Variants in LUC7L2 observed in about 807,000 individuals in gnomAD.
The protein encoded by LUC7L2 is putative RNA-binding protein Luc7-like 2.
Under a neutral mutation model 52.8 loss-of-function variants are expected in LUC7L2, and 25 were observed. The ratio of observed to expected loss-of-function variants is 0.47; its 90% confidence interval spans 0.34 to 0.66. LUC7L2 has a LOEUF of 0.66. Ranked by LOEUF, LUC7L2 falls within the 30% of genes least tolerant of loss-of-function variation. The probability of loss-of-function intolerance (pLI) is 0.01; values close to 1 mark genes in which losing one functional copy is unlikely to be tolerated. For synonymous variants in LUC7L2, 144 were observed against 160.9 expected, an observed-to-expected ratio of 0.89 and a Z score of 0.80; for missense variants, 328 against 497.8, an observed-to-expected ratio of 0.66 and a Z score of 3.25.
chr7:139,407,377 T>C (rs1795173942), intron 6 of LUC7L2, 27 bp downstream of exon 6: 2 of 1,590,924 alleles, frequency 1.3e-6, no homozygotes, highest in African/African-American at 1.4e-5. Context: ...TTCCTCACTT[T>C]ATCCTCTTGT....
chr7:139,347,077 T>C (rs1295064557), intron 1 of LUC7L2, among the ~76,000 whole-genome samples: 1 of 152,220 alleles, frequency 6.6e-6, no homozygotes, highest in Non-Finnish European at 1.5e-5. Flanking sequence ...GTTCTCTTTC[T>C]GTGAATTGCC....
In LUC7L2 at chr7:139,423,420, C is replaced by T; in HGVS notation, c.*1080C>T. 1 of 398,884 alleles carries T rather than the reference C, an allele frequency of 2.5e-6. No individual in the cohort carries two copies. The allele number at this position is 398,884 out of a possible 1,614,324, so 24.7% of individuals were successfully genotyped here. A position where few individuals can be genotyped will look rare whatever the true frequency, so the allele number is the denominator to read the frequency against. Reference sequence around the variant, plus strand: ...AAACTGGGGTGTTTTTATTCTCATTCAACAAACCCAAATAAAAACAGTATA... The same window carrying T: ...AAACTGGGGTGTTTTTATTCTCATTTAACAAACCCAAATAAAAACAGTATA... On this transcript the variant is annotated 3_prime_UTR_variant, in exon 10 of 10. Transcript: ENST00000354926.
At chr7:139,407,079 A>G (rs1161550508) in intron 5 of LUC7L2, 95 bp from the exon 6 acceptor site, 3 of 1,069,564 alleles carry the variant, frequency 2.8e-6, no homozygotes, top group Non-Finnish European at 3.4e-6. Context: ...TGTATTTTTT[A>G]GAAAACACTT....
chr7:139,388,070 G>A (rs768915126), intron 2 of LUC7L2, among the ~76,000 whole-genome samples: 10 of 151,910 alleles, frequency 6.6e-5, no homozygotes, highest in Admixed American at 2.0e-4. Flanking sequence ...CTTACTATAT[G>A]TGATTGCCTT....
At chr7:139,406,778 T>G (rs1380491434) in intron 5 of LUC7L2, among the ~76,000 whole-genome samples, 1 of 152,184 alleles carries the variant, frequency 6.6e-6, no homozygotes, top group Non-Finnish European at 1.5e-5. Context: ...CTGTAGAATG[T>G]TTGCAATTCG....
intron 2 of LUC7L2, among the ~76,000 whole-genome samples, chr7:139,376,677 C>T (rs1191623503): frequency 2.6e-5 from 4 of 152,162 alleles, no homozygotes; most frequent in Non-Finnish European, 5.9e-5. Context: ...AGATGTTGAT[C>T]TTAGAGTATC....
At chr7:139,359,002 A>C (rs1799715749), upstream of LUC7L2, 1 of 152,282 alleles carries the variant, frequency 6.6e-6, no homozygotes, top group Non-Finnish European at 1.5e-5. Context: ...TTTTACTAAA[A>C]CAGTTTTTAG....
At chr7:139,412,087 A>G (rs1299516494) in intron 7 of LUC7L2, among the ~76,000 whole-genome samples, 2 of 152,096 alleles carry the variant, frequency 1.3e-5, no homozygotes, top group African/African-American at 4.8e-5. Flanking sequence ...CCAGTAAATT[A>G]TAATGCAGAC....
At chr7:139,400,687 T>G (rs1279948059) in intron 3 of LUC7L2, among the ~76,000 whole-genome samples, 3 of 152,144 alleles carry the variant, frequency 2.0e-5, no homozygotes, top group Non-Finnish European at 4.4e-5. Context: ...ATGGATCTAG[T>G]CTCCCCCCAA....
intron 3 of LUC7L2, among the ~76,000 whole-genome samples, chr7:139,399,393 C>G (rs1794796939): frequency 6.9e-6 from 1 of 144,910 alleles, no homozygotes; most frequent in South Asian, 2.2e-4. Flanking sequence ...TCCGCTGGGT[C>G]TCCTGGAACC....
At chr7:139,378,276 ATTTACT>A (rs1268672354) in intron 2 of LUC7L2, among the ~76,000 whole-genome samples, 3 of 152,102 alleles carry the variant, frequency 2.0e-5, no homozygotes, top group Admixed American at 6.5e-5. Context: ...AATTTAAAAA[ATTTACT>A]TTTAATTTTT....
At position 139,367,095 on chromosome 7, in the gene LUC7L2, C is replaced by G. The variant is rs1800197123; in HGVS notation, c.61+6773C>G. Among the ~76,000 whole-genome samples, 3 of 152,134 alleles carry G rather than the reference C, an allele frequency of 2.0e-5. No homozygotes were observed. The East Asian group carries it at 5.8e-4, about 29-fold the overall frequency. ...GAGTTCAGGCGATTACCCTAGCTTC[C>G]CGAGTGGCTGAGATGACAGGCATGC... On this transcript the variant is annotated intron_variant, in intron 1 of 9. Coordinates refer to ENST00000354926, the MANE Select transcript of LUC7L2 (RefSeq NM_016019.5).
At chr7:139,372,243 A>ATT (rs11338568) in intron 1 of LUC7L2, among the ~76,000 whole-genome samples, 1 of 149,094 alleles carries the variant, frequency 6.7e-6, no homozygotes, top group Admixed American at 6.7e-5. Context: ...CATTATTTTA[A>ATT]TTTTTTTTTT....
chr7:139,407,234 G>C lies in LUC7L2; in HGVS notation c.571G>C (p.Glu191Gln). Residue 191 changes from glutamate to glutamine, a missense_variant, in exon 6 of 10, where the codon GAA becomes CAA. Glu to Gln is a conservative substitution (Grantham distance 29). Transcript: ENST00000354926. ...TCAGCAGCAGAAACTTCGAGTCTGT[G>C]AAGTCTGCTCTGCCTATTTAGGACT... ...SFQQQKLRVCEVCSAYLGLHD... is the reference protein window; with the variant it reads ...SFQQQKLRVCQVCSAYLGLHD... 2 of 1,613,090 alleles carry C rather than the reference G, an allele frequency of 1.2e-6. No homozygotes were observed. The highest frequency in any genetic ancestry group is 1.7e-6 in the Non-Finnish European group (2 of 1,179,362).
Position 139,341,218 on chromosome 7 carries a change from C to T in LUC7L2, c.-26+701C>T. 4 of 1,260,998 alleles carry T rather than the reference C, an allele frequency of 3.2e-6. No homozygotes were observed. In the South Asian group the frequency reaches 5.1e-5, roughly 16 times the overall value. The allele number at this position is 1,260,998 out of a possible 1,614,324, so 78.1% of individuals were successfully genotyped here. A position where few individuals can be genotyped will look rare whatever the true frequency, so the allele number is the denominator to read the frequency against. ...TTTTGTTACGGCGCCCCTGGGCCTT[C>T]GATTAATAAGGTTCGGTCAACGGAC... On this transcript the variant is annotated intron_variant, in intron 1 of 10. Coordinates refer to the LUC7L2 transcript ENST00000541170.
intron 1 of LUC7L2, among the ~76,000 whole-genome samples, chr7:139,351,501 G>A (rs1799456968): frequency 6.6e-6 from 1 of 151,954 alleles, no homozygotes; most frequent in South Asian, 2.1e-4. Flanking sequence ...TCCCTAATTG[G>A]TCCCTTTTAC....
At chr7:139,341,381 G>A in intron 1 of LUC7L2, 1 of 1,612,360 alleles carries the variant, frequency 6.2e-7, no homozygotes, top group South Asian at 1.1e-5. Flanking sequence ...AGAAGGACAG[G>A]ACAATGGCGG....
intron 9 of LUC7L2, 128 bp downstream of exon 9, chr7:139,417,857 A>G (rs933576279): frequency 8.6e-6 from 11 of 1,282,654 alleles, no homozygotes; most frequent in East Asian, 2.5e-5. Context: ...TAATATGTAC[A>G]CATTTATGTG....
rs751083656 is a variant in LUC7L2 at position 139,422,371 on chromosome 7, C to G, written c.*31C>G. Reference sequence around the variant, plus strand: ...TGTGTACATTTCTTCAGTCCTTAAGCTTCCTACGGAGTTACGTACTATTGT... The same window carrying G: ...TGTGTACATTTCTTCAGTCCTTAAGGTTCCTACGGAGTTACGTACTATTGT... On this transcript the variant is annotated 3_prime_UTR_variant, in exon 10 of 10. Transcript: ENST00000354926. The G allele has an allele frequency of 2.5e-6, 4 of 1,585,514 alleles. No individual in the cohort carries two copies. Among genetic ancestry groups the G allele is most frequent in the Non-Finnish European group, 3.4e-6 (4 of 1,168,102 alleles).
Sources: allele counts gnomAD v4.1 joint callset (sites outside exome capture counted in the v4.1 genomes callset), GRCh38; gene constraint gnomAD v4.1.1; transcripts MANE v1.5; gene names NCBI Gene and HGNC (gene_info 2026-07-23, HGNC 2026-07-21).